The following GRIK3 variants were observed in gnomAD, a reference collection of about 807,000 sequenced individuals.
The protein encoded by GRIK3 is glutamate ionotropic receptor kainate type subunit 3.
A neutral mutation model predicts 102.5 loss-of-function variants in GRIK3; 29 were observed. The ratio of observed to expected loss-of-function variants is 0.28; its 90% CI spans 0.21 to 0.39. GRIK3 has a LOEUF of 0.39. GRIK3 is among the 10% of genes least tolerant of loss of function. GRIK3 has a pLI of 1.00. For missense variants in GRIK3, 908 were observed against 1,252.4 expected (o/e 0.73, Z 4.15); for synonymous variants, 511 against 504.9 (o/e 1.01, Z -0.16).
chr1:36,856,188 C>T (rs1640649192), intron 7 of GRIK3, among the ~76,000 whole-genome samples: 1 of 152,232 alleles, frequency 6.6e-6, no homozygotes, highest in Admixed American at 6.5e-5. Context: ...CCTCTGTTGG[C>T]CTCACGCCTT....
rs371119496 is a variant in GRIK3, at chr1:36,796,391, C to T, written c.*5460G>A. ...CTACCTTCTTGCCTCTCATCTTTCA[C>T]CCCTCTGGCTCTGAGGTCGCTCCCT... On this transcript the variant is annotated 3_prime_UTR_variant, in exon 16 of 16. Transcript: ENST00000373091. 5.2e-5 allele frequency: 8 copies of T among 152,386 alleles called. No homozygotes were observed. The East Asian group carries it at 1.4e-3, about 26-fold the overall frequency. The allele number at this position is 152,386 out of a possible 1,614,324, so 9.4% of individuals were successfully genotyped here.
In GRIK3 at chr1:36,806,402, A is replaced by G; in HGVS notation, c.2092-76T>C. The G allele has an allele frequency of 2.3e-6, 2 of 862,152 alleles. No homozygotes were observed. Among genetic ancestry groups the G allele is most frequent in the Admixed American group, 2.1e-5 (1 of 47,410 alleles). 53.4% of individuals were successfully genotyped at this position (862,152 alleles called of 1,614,324 possible). A position where few individuals can be genotyped will look rare whatever the true frequency, so the allele number is the denominator to read the frequency against. ...GGACCAAGCACCGCATACCCTGCAC[A>G]ACGTGGGTTGGGGCCTTGAACTCGG... On this transcript the variant is annotated intron_variant, in intron 13 of 15. Coordinates refer to ENST00000373091, the MANE Select transcript of GRIK3 (RefSeq NM_000831.4). This position sits in a 1 kb window ranked among gnomAD's most constrained non-coding sequence, Gnocchi z 4.0.
chr1:36,891,488 C>T (rs1641116219), intron 1 of GRIK3, among the ~76,000 whole-genome samples: 1 of 152,086 alleles, frequency 6.6e-6, no homozygotes, highest in African/African-American at 2.4e-5. Flanking sequence ...TCCATCACAT[C>T]AATAGTTCAA....
chr1:37,009,214 G>A (rs1642563643), intron 1 of GRIK3, among the ~76,000 whole-genome samples: 1 of 152,196 alleles, frequency 6.6e-6, no homozygotes, highest in South Asian at 2.1e-4. Flanking sequence ...GCTTGATTAA[G>A]GAAGAAAATT....
chr1:36,878,875 T>G (rs1412287445), intron 3 of GRIK3, among the ~76,000 whole-genome samples: 1 of 152,148 alleles, frequency 6.6e-6, no homozygotes, highest in Non-Finnish European at 1.5e-5. Context: ...TTGCACCACT[T>G]GGTTCGCAGC....
At chr1:36,918,657 T>C (rs1394481542) in intron 1 of GRIK3, among the ~76,000 whole-genome samples, 1 of 152,124 alleles carries the variant, frequency 6.6e-6, no homozygotes, top group Non-Finnish European at 1.5e-5. Context: ...TCCAGCTGTG[T>C]CCTCCCCCAG....
chr1:36,858,850 C>T (rs989493222), intron 7 of GRIK3, among the ~76,000 whole-genome samples: 5 of 152,214 alleles, frequency 3.3e-5, no homozygotes, highest in East Asian at 1.9e-4. Context: ...TTCAAGCCCA[C>T]GCTGCATCTT....
intron 1 of GRIK3, among the ~76,000 whole-genome samples, chr1:36,931,362 A>G (rs1641586339): frequency 6.6e-6 from 1 of 152,164 alleles, no homozygotes. Flanking sequence ...GTCTCAGCCT[A>G]AACCCTGCCT....
intron 1 of GRIK3, among the ~76,000 whole-genome samples, chr1:36,922,222 G>C (rs1237637691): frequency 1.3e-5 from 2 of 152,236 alleles, no homozygotes; most frequent in African/African-American, 4.8e-5. Context: ...AGGCTCAGCA[G>C]TGAGAGAGGC....
Position 37,012,561 on chromosome 1 carries a change from G to A in GRIK3, c.115+21433C>T, listed in dbSNP as rs149008451. On this transcript the variant is annotated intron_variant, in intron 1 of 15. Transcript: ENST00000373091. ...AGAGTCAGAAGGCCAGAGTGGAAGG[G>A]AGTTTTACATTTACTAAGCACCTAC... Among the ~76,000 whole-genome samples, 520 of 152,338 alleles carry A rather than the reference G, an allele frequency of 3.4e-3. 4 individuals carry two copies. Among genetic ancestry groups the A allele is most frequent in the African/African-American group, 0.012 (485 of 41,580 alleles).
intron 9 of GRIK3, among the ~76,000 whole-genome samples, chr1:36,843,435 T>C (rs375402239): frequency 1.3e-5 from 2 of 152,182 alleles, no homozygotes; most frequent in South Asian, 2.1e-4. Context: ...ACACTGTCCT[T>C]ATGTGATAGA....
rs79896217 is a variant in GRIK3 at position 36,946,649 on chromosome 1, C to T, written c.116-55553G>A. 3.4e-3 allele frequency among the ~76,000 whole-genome samples: 525 copies of T among 152,300 alleles called. 3 individuals carry two copies. Among genetic ancestry groups the T allele is most frequent in the Middle Eastern group, 0.01 (3 of 294 alleles). On this transcript the variant is annotated intron_variant, in intron 1 of 15. Transcript: ENST00000373091. Reference sequence around the variant, plus strand: ...AAACAGTAATAATCATAGCGTCAGCCGCCACCCACACAACCCTTATGTTGT... The same window carrying T: ...AAACAGTAATAATCATAGCGTCAGCTGCCACCCACACAACCCTTATGTTGT...
At chr1:36,841,976 A>G (rs942618276) in intron 9 of GRIK3, 37 bp from the exon 10 acceptor site, 11 of 1,553,840 alleles carry the variant, frequency 7.1e-6, no homozygotes, top group Non-Finnish European at 8.9e-6. Context: ...ACGAAGACTG[A>G]GCAGCTAGGG....
intron 9 of GRIK3, among the ~76,000 whole-genome samples, chr1:36,849,002 G>A (rs571072141): frequency 1.3e-5 from 2 of 152,272 alleles, no homozygotes; most frequent in East Asian, 1.9e-4. Flanking sequence ...CTTGTCTGGA[G>A]CCACCGTGAG....
chr1:36,818,956 C>G (rs1000047506), intron 12 of GRIK3, among the ~76,000 whole-genome samples: 2 of 152,144 alleles, frequency 1.3e-5, no homozygotes, highest in African/African-American at 4.8e-5. Context: ...TGGTGGCCAG[C>G]AGGACCAGGG....
chr1:36,818,303 C>T (rs746733226), intron 12 of GRIK3, among the ~76,000 whole-genome samples: 10 of 152,110 alleles, frequency 6.6e-5, no homozygotes, highest in Non-Finnish European at 1.5e-4. Context: ...CAACTGTCAC[C>T]GAACAAAGAC....
At chr1:36,917,640 C>T (rs889540649) in intron 1 of GRIK3, among the ~76,000 whole-genome samples, 27 of 152,314 alleles carry the variant, frequency 1.8e-4, no homozygotes, top group African/African-American at 5.1e-4. Context: ...TCTGCCACCA[C>T]GTGAGATGTG....
Position 37,034,368 on chromosome 1 carries a change from C to G in GRIK3, c.-260G>C, listed in dbSNP as rs1642864802. Among the ~76,000 whole-genome samples the G allele has an allele frequency of 6.6e-6, 1 of 150,870 alleles. No individual in the cohort carries two copies. The highest frequency in any genetic ancestry group is 1.5e-5 in the Non-Finnish European group (1 of 67,578). ...TCCTGGGCTCCGCCCGGACTCCGCTCGGACTCGGCTCCGGCTCCGACTCGC... is the reference window on the plus strand; with the variant it reads ...TCCTGGGCTCCGCCCGGACTCCGCTGGGACTCGGCTCCGGCTCCGACTCGC... On this transcript the variant is annotated 5_prime_UTR_variant, in exon 1 of 16. Transcript: ENST00000373091.
intron 10 of GRIK3, among the ~76,000 whole-genome samples, chr1:36,838,994 C>T (rs1362926694): frequency 1.3e-5 from 2 of 152,174 alleles, no homozygotes; most frequent in African/African-American, 4.8e-5. Flanking sequence ...GGACGACACT[C>T]CCTCCTTTTC....
Sources: allele counts gnomAD v4.1 joint callset (sites outside exome capture counted in the v4.1 genomes callset), GRCh38; gene constraint gnomAD v4.1.1; non-coding constraint Gnocchi (gnomAD v3.1); transcripts MANE v1.5; gene names NCBI Gene and HGNC (gene_info 2026-07-23, HGNC 2026-07-21).